Variants in CDKAL1 observed in about 807,000 individuals in gnomAD.
CDKAL1 encodes the protein threonylcarbamoyladenosine tRNA methylthiotransferase.
CDKAL1 carries 32 observed loss-of-function variants against 68.2 expected under a neutral mutation model. The observed-to-expected ratio is 0.47, with a 90% CI of 0.35 to 0.63. The LOEUF (loss-of-function observed/expected upper bound fraction) is 0.63, where lower values mean the gene tolerates loss of function less well. Among genes scored for constraint, CDKAL1 ranks in the 30% least tolerant of loss-of-function variants. The pLI is 0.00. For synonymous variants in CDKAL1, 234 were observed against 244.3 expected, an observed-to-expected ratio of 0.96 and a Z score of 0.39; for missense variants, 606 against 696.7, an observed-to-expected ratio of 0.87 and a Z score of 1.47.
intron 8 of CDKAL1, among the ~76,000 whole-genome samples, chr6:20,829,921 A>G (rs1777646336): frequency 6.6e-6 from 1 of 152,192 alleles, no homozygotes; most frequent in African/African-American, 2.4e-5. Context: ...CAGTGGCACA[A>G]TTTCAGCTCA....
chr6:21,155,876 G>T (rs904410025), intron 13 of CDKAL1, among the ~76,000 whole-genome samples: 12 of 152,136 alleles, frequency 7.9e-5, no homozygotes, highest in African/African-American at 2.7e-4. Context: ...AATCTGTGAA[G>T]ATGTTCATTG....
intron 10 of CDKAL1, among the ~76,000 whole-genome samples, chr6:20,959,231 C>T (rs188654571): frequency 2.6e-5 from 4 of 152,028 alleles, no homozygotes; most frequent in African/African-American, 9.7e-5. Flanking sequence ...TTTAGTATCA[C>T]TGCCCTTAAA....
At chr6:20,604,658 G>A (rs115069794) in intron 4 of CDKAL1, among the ~76,000 whole-genome samples, 127 of 152,258 alleles carry the variant, frequency 8.3e-4, no homozygotes, top group African/African-American at 3.0e-3. Flanking sequence ...CCCATACCCC[G>A]TGATCTGAAA....
chr6:20,922,044 T>C (rs1762980181), intron 9 of CDKAL1, among the ~76,000 whole-genome samples: 1 of 152,216 alleles, frequency 6.6e-6, no homozygotes, highest in Non-Finnish European at 1.5e-5. Context: ...AAGCGCAGAA[T>C]GATTTGAATA....
intron 8 of CDKAL1, among the ~76,000 whole-genome samples, chr6:20,785,591 G>A (rs1177274648): frequency 1.3e-5 from 2 of 152,088 alleles, no homozygotes; most frequent in African/African-American, 2.4e-5. Flanking sequence ...GATTACAGGT[G>A]TGAGCCACTA....
At chr6:20,662,981 T>C (rs939090881) in intron 5 of CDKAL1, among the ~76,000 whole-genome samples, 3 of 152,086 alleles carry the variant, frequency 2.0e-5, no homozygotes, top group Admixed American at 2.0e-4. Context: ...AGTTTAAGGG[T>C]GTGAGGATTG....
At chr6:20,575,321 G>T (rs1216641879) in intron 4 of CDKAL1, among the ~76,000 whole-genome samples, 2 of 151,368 alleles carry the variant, frequency 1.3e-5, no homozygotes, top group Admixed American at 1.3e-4. Flanking sequence ...CATTGCTGTA[G>T]CTTTCTTTAT....
At chr6:21,079,226 G>A (rs1772249827) in intron 12 of CDKAL1, among the ~76,000 whole-genome samples, 1 of 152,176 alleles carries the variant, frequency 6.6e-6, no homozygotes. Flanking sequence ...CAATAAATGA[G>A]TCAGGTACTA....
At chr6:20,536,096 A>C (rs1176279577) in intron 2 of CDKAL1, among the ~76,000 whole-genome samples, 1 of 119,106 alleles carries the variant, frequency 8.4e-6, no homozygotes, top group Non-Finnish European at 1.7e-5. Flanking sequence ...GCCCGGCTAA[A>C]TTTTACTTTT....
At chr6:20,729,994 G>A (rs754967484) in intron 5 of CDKAL1, among the ~76,000 whole-genome samples, 2 of 152,092 alleles carry the variant, frequency 1.3e-5, no homozygotes, top group Non-Finnish European at 2.9e-5. Context: ...GGAAGGAGGT[G>A]GTTGGAGACA....
intron 6 of CDKAL1, among the ~76,000 whole-genome samples, chr6:20,750,311 T>C (rs966713975): frequency 6.6e-6 from 1 of 152,180 alleles, no homozygotes; most frequent in Admixed American, 6.5e-5. Context: ...GCTCAAGTGA[T>C]TCTCCCTCCT....
At chr6:20,863,500 A>G (rs1052572459) in intron 9 of CDKAL1, among the ~76,000 whole-genome samples, 2 of 152,202 alleles carry the variant, frequency 1.3e-5, no homozygotes, top group African/African-American at 2.4e-5. Flanking sequence ...GCATGCCTCT[A>G]TGATTCTCAG....
At chr6:21,194,415 A>C (rs911065031) in intron 13 of CDKAL1, among the ~76,000 whole-genome samples, 1 of 152,188 alleles carries the variant, frequency 6.6e-6, no homozygotes. Flanking sequence ...ATGAGTGTAG[A>C]GTCTCTTTAA....
intron 9 of CDKAL1, among the ~76,000 whole-genome samples, chr6:20,887,933 G>A (rs566912950): frequency 3.7e-5 from 5 of 135,170 alleles, no homozygotes; most frequent in Non-Finnish European, 5.0e-5. Flanking sequence ...CACCATGCCT[G>A]GCTAATCTTT....
intron 5 of CDKAL1, among the ~76,000 whole-genome samples, chr6:20,716,200 T>G (rs963837801): frequency 6.6e-6 from 1 of 152,120 alleles, no homozygotes; most frequent in Non-Finnish European, 1.5e-5. Flanking sequence ...CTAAATATTT[T>G]CAAAATAAAA....
chr6:20,566,896 A>G (rs954761669), intron 4 of CDKAL1, among the ~76,000 whole-genome samples: 19 of 152,188 alleles, frequency 1.2e-4, no homozygotes, highest in Admixed American at 7.9e-4. Flanking sequence ...ATAGAAGGAA[A>G]ACAATTTATG....
intron 6 of CDKAL1, among the ~76,000 whole-genome samples, chr6:20,741,867 C>A (rs1186776433): frequency 1.3e-5 from 2 of 152,074 alleles, no homozygotes; most frequent in Non-Finnish European, 2.9e-5. Flanking sequence ...TTGCTTTTAG[C>A]TCTCTGAGGA....
intron 9 of CDKAL1, among the ~76,000 whole-genome samples, chr6:20,864,839 A>T (rs182562385): frequency 2.0e-5 from 3 of 152,196 alleles, no homozygotes; most frequent in Non-Finnish European, 4.4e-5. Context: ...TTTATTGTAC[A>T]TGCTGCATGA....
chr6:20,780,670 C>CTTTTTTTTTTTTT (rs1223553462), intron 7 of CDKAL1, among the ~76,000 whole-genome samples: 2 of 38,180 alleles, frequency 5.2e-5, no homozygotes, highest in African/African-American at 1.5e-4. Flanking sequence ...ATTTCTTTTT[C>CTTTTTTTTTTTTT]TTTTTTTTTT....
Sources: allele counts gnomAD v4.1 joint callset (sites outside exome capture counted in the v4.1 genomes callset), GRCh38; gene constraint gnomAD v4.1.1; transcripts MANE v1.5; gene names NCBI Gene and HGNC (gene_info 2026-07-23, HGNC 2026-07-21).